The following ST3GAL1 variants were observed in gnomAD, a reference collection of about 807,000 sequenced individuals.
The protein encoded by ST3GAL1 is ST3 beta-galactoside alpha-2,3-sialyltransferase 1, also known as CMP-N-acetylneuraminate-beta-galactosamide-alpha-2,3-sialyltransferase 1.
ST3GAL1 carries 16 observed loss-of-function variants against 34.1 expected under a neutral mutation model. The observed-to-expected ratio is 0.47, with a 90% CI of 0.32 to 0.71. The LOEUF is 0.71. Ranked by LOEUF, ST3GAL1 falls within the 30% of genes least tolerant of loss-of-function variation. ST3GAL1 has a pLI of 0.04. For synonymous variants in ST3GAL1, 191 were observed against 184.7 expected, an observed-to-expected ratio of 1.03 and a Z score of -0.28; for missense variants, 353 against 447.4, an observed-to-expected ratio of 0.79 and a Z score of 1.90.
chr8:133,523,123 GC>G (rs1817859536), intron 2 of ST3GAL1, among the ~76,000 whole-genome samples: 1 of 151,652 alleles, frequency 6.6e-6, no homozygotes, highest in Non-Finnish European at 1.5e-5. Flanking sequence ...GCCCTGGCGA[GC>G]AGCAAGGGGC....
In ST3GAL1 at chr8:133,556,587, T is replaced by C. The variant is rs1819031889; in HGVS notation, c.-581-10661A>G. Among the ~76,000 whole-genome samples the C allele has an allele frequency of 6.6e-6, 1 of 152,092 alleles. No individual in the cohort carries two copies. Among genetic ancestry groups the C allele is most frequent in the African/African-American group, 2.4e-5 (1 of 41,412 alleles). On this transcript the variant is annotated intron_variant, in intron 1 of 9. Coordinates refer to ENST00000522652, the MANE Select transcript of ST3GAL1 (RefSeq NM_173344.3). This position sits in a 1 kb window ranked among gnomAD's most constrained non-coding sequence, Gnocchi z 8.9. The stretch of plus-strand genomic sequence containing the variant: ...TCAGCTAATGAAGGCTGCATAACTA[T>C]GTACTTTCGAACAAGATTTTTAGGA...
intron 1 of ST3GAL1, among the ~76,000 whole-genome samples, chr8:133,554,540 C>T (rs1428349296): frequency 3.9e-5 from 6 of 152,046 alleles, no homozygotes; most frequent in East Asian, 1.9e-4. Flanking sequence ...GCTAGGATTG[C>T]GCTGACTGCC....
At chr8:133,523,167 C>T (rs1016672254) in intron 2 of ST3GAL1, among the ~76,000 whole-genome samples, 5 of 152,286 alleles carry the variant, frequency 3.3e-5, no homozygotes, top group Middle Eastern at 3.4e-3. Flanking sequence ...AGGGGAGTTG[C>T]GTGGCTTCTG....
rs138350712 is a variant in ST3GAL1, at chr8:133,484,553, C to T, written c.-373-7953G>A. The stretch of plus-strand genomic sequence containing the variant: ...TACACACTCTGTGCTCGGCATGGGT[C>T]CCCAGGAAGAAGATGCTGTCTCTGG... On this transcript the variant is annotated intron_variant, in intron 3 of 9. Transcript: ENST00000522652. 5.9e-5 allele frequency among the ~76,000 whole-genome samples: 9 copies of T among 152,272 alleles called. No individual in the cohort carries two copies. In the East Asian group the frequency reaches 1.7e-3, roughly 29 times the overall value.
rs115967214 is a variant in ST3GAL1, at chr8:133,544,724, A to C, written c.-429+1050T>G. 7.4e-3 allele frequency among the ~76,000 whole-genome samples: 1,124 copies of C among 152,250 alleles called. 9 individuals carry two copies. The highest frequency in any genetic ancestry group is 0.024 in the African/African-American group (1,007 of 41,532). On this transcript the variant is annotated intron_variant, in intron 2 of 9. Coordinates refer to ENST00000522652, the MANE Select transcript of ST3GAL1 (RefSeq NM_173344.3). The stretch of plus-strand genomic sequence containing the variant: ...ATAAAACTAATAAACCCCATGGCCC[A>C]AGTGGATTTGTTTTACATGGAGTCA...
In ST3GAL1 at chr8:133,476,031, A is replaced by T. The variant is rs1563701806; in HGVS notation, c.-7T>A. On this transcript the variant is annotated 5_prime_UTR_variant, in exon 5 of 10. Transcript: ENST00000522652. ...TCTTCCGCAGGGTCACCATCTTCGC[A>T]GTCCTGATGGTGGCCTCCCACGATG... 1 of 1,563,444 alleles carries T rather than the reference A, an allele frequency of 6.4e-7. No homozygotes were observed. Among genetic ancestry groups the T allele is most frequent in the Non-Finnish European group, 8.7e-7 (1 of 1,153,324 alleles).
intron 2 of ST3GAL1, among the ~76,000 whole-genome samples, chr8:133,521,741 T>G (rs918634818): frequency 6.6e-6 from 1 of 152,202 alleles, no homozygotes; most frequent in African/African-American, 2.4e-5. Flanking sequence ...ATGAAGAATT[T>G]TAAATAACAC....
chr8:133,535,275 T>C (rs868255429), intron 2 of ST3GAL1, among the ~76,000 whole-genome samples: 1 of 152,212 alleles, frequency 6.6e-6, no homozygotes, highest in African/African-American at 2.4e-5. Flanking sequence ...AGCCACATCT[T>C]TAGCTTCATA....
chr8:133,507,174 T>C (rs984070168), intron 2 of ST3GAL1, among the ~76,000 whole-genome samples: 14 of 152,098 alleles, frequency 9.2e-5, no homozygotes, highest in Admixed American at 5.2e-4. Context: ...CAGGTGACAG[T>C]AGGGAAGAGA....
rs1416860966 is a variant in ST3GAL1, at chr8:133,461,647, C to T, written c.849+228G>A. ...CCACCACCACGGTCCTGGGCACTTA[C>T]ACAGAATGTGCCAGAACTATTGCTC... On this transcript the variant is annotated intron_variant, in intron 9 of 9. Transcript: ENST00000522652. The surrounding 1 kb of genome is among the most constrained non-coding windows in gnomAD (Gnocchi z 4.7). Among the ~76,000 whole-genome samples, 1 of 152,192 alleles carries T rather than the reference C, an allele frequency of 6.6e-6. No individual in the cohort carries two copies. The highest frequency in any genetic ancestry group is 1.5e-5 in the Non-Finnish European group (1 of 68,030).
intron 2 of ST3GAL1, among the ~76,000 whole-genome samples, chr8:133,518,194 TG>T (rs1260911579): frequency 1.3e-5 from 2 of 152,228 alleles, no homozygotes; most frequent in Non-Finnish European, 2.9e-5. Flanking sequence ...GGGCAGTCAG[TG>T]GAGGGCTGAC....
In ST3GAL1 at chr8:133,467,191, G is replaced by A. The variant is rs6991486; in HGVS notation, c.307-1101C>T. ...TGACTAAATATTACTTATTTGCCCA[G>A]GTTAAGGGGTTTCCCTAGATGCAGG... On this transcript the variant is annotated intron_variant, in intron 5 of 9. Coordinates refer to ENST00000522652, the MANE Select transcript of ST3GAL1 (RefSeq NM_173344.3). The surrounding 1 kb of genome is among the most constrained non-coding windows in gnomAD (Gnocchi z 4.2). Among the ~76,000 whole-genome samples, 1,454 of 152,270 alleles carry A rather than the reference G, an allele frequency of 9.5e-3. 21 individuals carry two copies. Among genetic ancestry groups the A allele is most frequent in the African/African-American group, 0.034 (1,395 of 41,538 alleles).
chr8:133,518,388 G>A (rs886848823), intron 2 of ST3GAL1, among the ~76,000 whole-genome samples: 70 of 152,154 alleles, frequency 4.6e-4, no homozygotes, highest in African/African-American at 1.6e-3. Context: ...TACCTGCCCC[G>A]TGTAATAAAG....
At chr8:133,487,767 A>C (rs1289244965) in intron 3 of ST3GAL1, among the ~76,000 whole-genome samples, 1 of 152,130 alleles carries the variant, frequency 6.6e-6, no homozygotes, top group Non-Finnish European at 1.5e-5. Context: ...TAAGGAGTTC[A>C]AGACCAGCCC....
chr8:133,481,926 GT>G (rs1434968814), intron 3 of ST3GAL1, among the ~76,000 whole-genome samples: 1 of 152,004 alleles, frequency 6.6e-6, no homozygotes, highest in African/African-American at 2.4e-5. Flanking sequence ...CTTTGTGGTT[GT>G]TTTTGCTCTA....
intron 2 of ST3GAL1, among the ~76,000 whole-genome samples, chr8:133,533,693 TCTTGTTCCC>T (rs1818222617): frequency 6.6e-6 from 1 of 152,190 alleles, no homozygotes; most frequent in South Asian, 2.1e-4. Context: ...CCCTTCCAGC[TCTTGTTCCC>T]CCATCTCCAT....
chr8:133,481,787 T>C (rs956156406), intron 3 of ST3GAL1, among the ~76,000 whole-genome samples: 29 of 151,692 alleles, frequency 1.9e-4, no homozygotes, highest in African/African-American at 7.0e-4. Flanking sequence ...TGAGCCACCA[T>C]GCCCAGTCTT....
intron 2 of ST3GAL1, among the ~76,000 whole-genome samples, chr8:133,521,488 G>A (rs185766328): frequency 9.2e-5 from 14 of 152,222 alleles, no homozygotes; most frequent in East Asian, 7.7e-4. Flanking sequence ...TATTAGAGAC[G>A]GGGTTTCATT....
chr8:133,527,221 T>A (rs1378794149), intron 2 of ST3GAL1, among the ~76,000 whole-genome samples: 1 of 152,110 alleles, frequency 6.6e-6, no homozygotes, highest in Non-Finnish European at 1.5e-5. Context: ...TGCCTACAGG[T>A]GCCAAGCCAA....
Sources: gnomAD v4.1 joint callset for allele counts (sites outside exome capture counted in the v4.1 genomes callset) on GRCh38, gnomAD v4.1.1 for gene constraint, Gnocchi (gnomAD v3.1) non-coding constraint, MANE v1.5 for transcripts, NCBI Gene and HGNC (gene_info 2026-07-23, HGNC 2026-07-21) for gene names.